Variants in CLSTN3 observed in about 807,000 individuals in gnomAD.
CLSTN3 encodes calsyntenin-3.
CLSTN3 carries 36 observed loss-of-function variants against 95.9 expected under a neutral mutation model. The observed-to-expected ratio is 0.38, with a 90% confidence interval of 0.29 to 0.50. The LOEUF is 0.50. Among genes scored for constraint, CLSTN3 ranks in the 20% least tolerant of loss-of-function variants. The pLI is 0.95. For missense variants in CLSTN3, 1,084 were observed against 1,268.8 expected (o/e 0.85, Z 2.21); for synonymous variants, 481 against 504.0 (o/e 0.95, Z 0.61).
chr12:7,151,814 A>G (rs762391008), intron 16 of CLSTN3, among the ~76,000 whole-genome samples: 34 of 152,184 alleles, frequency 2.2e-4, no homozygotes, highest in Non-Finnish European at 5.0e-4. Context: ...CCAACACACT[A>G]GGCTGAGTCA....
At chr12:7,147,485 G>GCTTCTT (rs1200883308) in intron 12 of CLSTN3, among the ~76,000 whole-genome samples, 4 of 143,340 alleles carry the variant, frequency 2.8e-5, no homozygotes, top group African/African-American at 5.1e-5. Flanking sequence ...AGCCTTGATT[G>GCTTCTT]TTTCTTTTTC....
At chr12:7,131,129 G>A (rs965891355) in intron 1 of CLSTN3, 18 of 312,308 alleles carry the variant, frequency 5.8e-5, no homozygotes, top group South Asian at 3.6e-4. Flanking sequence ...CATCTGCTTC[G>A]CCTCCATCCC....
At chr12:7,146,929 G>T (rs1053980189) in intron 12 of CLSTN3, among the ~76,000 whole-genome samples, 2 of 152,148 alleles carry the variant, frequency 1.3e-5, no homozygotes, top group Non-Finnish European at 2.9e-5. Flanking sequence ...GCCCTGCTCC[G>T]TGTGGTACAG....
chr12:7,134,151 A>G (rs540691896), intron 3 of CLSTN3, among the ~76,000 whole-genome samples: 3 of 152,202 alleles, frequency 2.0e-5, no homozygotes, highest in Non-Finnish European at 4.4e-5. Flanking sequence ...GTTGAAGGGC[A>G]CAGTACATGG....
intron 12 of CLSTN3, 45 bp downstream of exon 12, chr12:7,143,356 CA>C: frequency 7.6e-6 from 12 of 1,578,518 alleles, no homozygotes; most frequent in Non-Finnish European, 1.0e-5. Context: ...CAGAGCCAGA[CA>C]GTGTCACAGC....
upstream of CLSTN3, chr12:7,130,338 C>T: frequency 1.7e-5 from 21 of 1,243,538 alleles, no homozygotes; most frequent in Non-Finnish European, 2.2e-5. Flanking sequence ...TGGCCGGCGG[C>T]CCCATCAATC....
chr12:7,130,414 C>A lies in CLSTN3; in HGVS notation c.-235C>A. 7.0e-7 allele frequency: 1 copy of A among 1,434,848 alleles called. No individual in the cohort carries two copies. The highest frequency in any genetic ancestry group is 9.1e-7 in the Non-Finnish European group (1 of 1,094,802). 88.9% of individuals were successfully genotyped at this position (1,434,848 alleles called of 1,614,324 possible). ...TGGGGTGGGAGTGAGAGAGTGAGGA[C>A]GCTGGGCTGGGGGAAACGGGAAGCC... On this transcript the variant is annotated 5_prime_UTR_variant, in exon 1 of 18. Coordinates refer to ENST00000266546, the MANE Select transcript of CLSTN3 (RefSeq NM_014718.4).
chr12:7,129,915 C>A, upstream of CLSTN3: 2 of 608,634 alleles, frequency 3.3e-6, no homozygotes, highest in African/African-American at 2.0e-5. This position sits in a 1 kb window ranked among gnomAD's most constrained non-coding sequence, Gnocchi z 5.5. Flanking sequence ...GTGGCTTCCT[C>A]GCAGCCCTGG....
Position 7,150,903 on chromosome 12 carries a change from C to T in CLSTN3, c.2392-25C>T. ...GGAGGACCTGGGAGAAGCGTGTGTG[C>T]CCATGGAGCCCTCCCTCTGCCCAGG... On this transcript the variant is annotated intron_variant, in intron 15 of 17. Coordinates refer to ENST00000266546, the MANE Select transcript of CLSTN3 (RefSeq NM_014718.4). The surrounding 1 kb of genome is among the most constrained non-coding windows in gnomAD (Gnocchi z 4.0). 1 of 1,563,674 alleles carries T rather than the reference C, an allele frequency of 6.4e-7. No homozygotes were observed. Among genetic ancestry groups the T allele is most frequent in the Non-Finnish European group, 8.7e-7 (1 of 1,150,722 alleles).
chr12:7,153,943 C>T (rs556576856), intron 16 of CLSTN3, among the ~76,000 whole-genome samples: 2 of 152,174 alleles, frequency 1.3e-5, no homozygotes, highest in Non-Finnish European at 2.9e-5. Flanking sequence ...TTCACGGCAC[C>T]CTTTCACCTC....
rs768487238 is a variant in CLSTN3 at position 7,137,795 on chromosome 12, T to TGTGTGAGAGAGAGA, written c.1211-159_1211-158insTGTGAGAGAGAGAG. 1.3e-4 allele frequency among the ~76,000 whole-genome samples: 9 copies of TGTGTGAGAGAGAGA among 70,672 alleles called. No individual in the cohort carries two copies. Among genetic ancestry groups the TGTGTGAGAGAGAGA allele is most frequent in the Non-Finnish European group, 1.3e-4 (5 of 37,356 alleles). The allele number at this position is 70,672 out of a possible 152,430, so 46.4% of individuals were successfully genotyped here. ...GTGTGTGTGTGTGTGTGTGTGTGTG[T>TGTGTGAGAGAGAGA]GAGAGAGAGAGAGAGAGAGAGAGAG... On this transcript the variant is annotated intron_variant, in intron 7 of 17. Coordinates refer to ENST00000266546, the MANE Select transcript of CLSTN3 (RefSeq NM_014718.4). This position sits in a 1 kb window ranked among gnomAD's most constrained non-coding sequence, Gnocchi z 4.4.
rs748109521 is a variant in CLSTN3, at chr12:7,143,268, G to T, written c.1804G>T (p.Ala602Ser). ...HVAYMNTLRF[A>S]TPGVRPLRLT... Reference sequence around the variant, plus strand: ...GGCTTACATGAACACTCTGCGCTTTGCCACGCCCGGCGTCAGGCCCCTGCG... The same window carrying T: ...GGCTTACATGAACACTCTGCGCTTTTCCACGCCCGGCGTCAGGCCCCTGCG... Residue 602 changes from alanine to serine, a missense_variant, in exon 12 of 18, where the codon GCC becomes TCC. By Grantham distance (99) the Ala-to-Ser change is moderately conservative. Transcript: ENST00000266546. 13 of 1,612,404 alleles carry T rather than the reference G, an allele frequency of 8.1e-6. No homozygotes were observed. The highest frequency in any genetic ancestry group is 1.1e-5 in the Non-Finnish European group (13 of 1,180,028).
Position 7,157,436 on chromosome 12 carries a change from T to G in CLSTN3, c.2528-53T>G. The G allele has an allele frequency of 1.4e-6, 2 of 1,474,198 alleles. No homozygotes were observed. The highest frequency in any genetic ancestry group is 1.8e-6 in the Non-Finnish European group (2 of 1,100,488). 91.3% of individuals were successfully genotyped at this position (1,474,198 alleles called of 1,614,324 possible). ...TTTCCTACCCAGCCCCCTGTCCAAG[T>G]GCCCCCAGGTGTGCCTAGTCACGCT... On this transcript the variant is annotated intron_variant, in intron 16 of 17. Coordinates refer to ENST00000266546, the MANE Select transcript of CLSTN3 (RefSeq NM_014718.4). This position sits in a 1 kb window ranked among gnomAD's most constrained non-coding sequence, Gnocchi z 5.9.
chr12:7,147,872 G>C (rs1345346495), intron 12 of CLSTN3, among the ~76,000 whole-genome samples: 1 of 151,970 alleles, frequency 6.6e-6, no homozygotes, highest in Non-Finnish European at 1.5e-5. Flanking sequence ...GAAATAATAT[G>C]GGCCAGGTGC....
chr12:7,151,775 G>T (rs1939727944), intron 16 of CLSTN3, among the ~76,000 whole-genome samples: 1 of 152,116 alleles, frequency 6.6e-6, no homozygotes, highest in Non-Finnish European at 1.5e-5. Context: ...GAAAAATCAG[G>T]CCAGGCACAG....
At chr12:7,156,279 A>C (rs1939813470) in intron 16 of CLSTN3, 1 of 456,766 alleles carries the variant, frequency 2.2e-6, no homozygotes, top group Non-Finnish European at 4.4e-6. Context: ...CTCTGCCTCC[A>C]CCTGCTGTCC....
Position 7,149,616 on chromosome 12 carries a change from G to T in CLSTN3, c.2168G>T (p.Ser723Ile), listed in dbSNP as rs773077761. Residue 723 changes from serine to isoleucine, a missense_variant, in exon 14 of 18, where the codon AGC (serine) becomes ATC (isoleucine). By Grantham distance (142) the Ser-to-Ile change is moderately radical (BLOSUM62 -2). Coordinates refer to ENST00000266546, the MANE Select transcript of CLSTN3 (RefSeq NM_014718.4). The surrounding 1 kb of genome is among the most constrained non-coding windows in gnomAD (Gnocchi z 4.5). ...GATGACCTGGATCCCGAGCGGGAAA[G>T]CCTGCTCCTGGACACAACCTCTCTG... ...VGDDLDPERE[S>I]LLLDTTSLQQ... 2.3e-5 allele frequency: 37 copies of T among 1,613,950 alleles called. No individual in the cohort carries two copies. The highest frequency in any genetic ancestry group is 2.9e-5 in the Non-Finnish European group (34 of 1,179,934).
chr12:7,129,889 C>T (rs1939246208), upstream of CLSTN3: 1 of 836,056 alleles, frequency 1.2e-6, no homozygotes, highest in African/African-American at 1.8e-5. The surrounding 1 kb of genome is among the most constrained non-coding windows in gnomAD (Gnocchi z 5.5). Context: ...CTCGATACCG[C>T]CCTGCGGACC....
chr12:7,142,222 A>G (rs1591617126), intron 10 of CLSTN3, 83 bp downstream of exon 10: 7 of 1,244,136 alleles, frequency 5.6e-6, no homozygotes, highest in African/African-American at 1.5e-5. Flanking sequence ...CCCAAATCCT[A>G]TCCAGCCTGT....
Sources: gnomAD v4.1 joint callset for allele counts (sites outside exome capture counted in the v4.1 genomes callset) on GRCh38, gnomAD v4.1.1 for gene constraint, Gnocchi (gnomAD v3.1) non-coding constraint, MANE v1.5 for transcripts, NCBI Gene and HGNC (gene_info 2026-07-23, HGNC 2026-07-21) for gene names.